The following NAV3 variants were observed in gnomAD, a reference collection of about 807,000 sequenced individuals.
NAV3 encodes the protein neuron navigator 3, also known as pore membrane and/or filament interacting like protein 1.
A neutral mutation model predicts 244.7 loss-of-function variants in NAV3; 87 were observed. The ratio of observed to expected loss-of-function variants is 0.36; its 90% CI spans 0.30 to 0.42. The LOEUF (loss-of-function observed/expected upper bound fraction) is 0.42, where lower values mean the gene tolerates loss of function less well. Ranked by LOEUF, NAV3 falls within the 20% of genes least tolerant of loss-of-function variation. The pLI is 1.00. For missense variants in NAV3, 2,663 were observed against 2,893.3 expected (o/e 0.92, Z 1.83); for synonymous variants, 1,126 against 1,042.2 (o/e 1.08, Z -1.55).
intron 36 of NAV3, among the ~76,000 whole-genome samples, chr12:78,198,918 CAA>C (rs71088371): frequency 1.0e-5 from 1 of 99,500 alleles, no homozygotes; most frequent in Admixed American, 1.0e-4. Context: ...TAAACAAAAA[CAA>C]AAAAAAAAAA....
At chr12:77,677,958 T>C (rs1211647919) in intron 2 of NAV3, among the ~76,000 whole-genome samples, 1 of 152,200 alleles carries the variant, frequency 6.6e-6, no homozygotes, top group Non-Finnish European at 1.5e-5. Context: ...TTTATTAAAA[T>C]TGAAATAATT....
chr12:77,694,805 A>G (rs909394418), intron 2 of NAV3, among the ~76,000 whole-genome samples: 1 of 152,180 alleles, frequency 6.6e-6, no homozygotes, highest in Non-Finnish European at 1.5e-5. Flanking sequence ...AGGCAAATCT[A>G]CCTTTCTAGG....
At chr12:77,723,167 G>A (rs532086196) in intron 2 of NAV3, among the ~76,000 whole-genome samples, 46 of 152,116 alleles carry the variant, frequency 3.0e-4, no homozygotes, top group Non-Finnish European at 6.2e-4. Flanking sequence ...TCTCCATGTA[G>A]AAGTGACAAT....
chr12:77,912,582 T>G (rs1234223526), intron 1 of NAV3, among the ~76,000 whole-genome samples: 2 of 152,120 alleles, frequency 1.3e-5, no homozygotes, highest in Non-Finnish European at 2.9e-5. Flanking sequence ...AACATACTAT[T>G]ATTACAGTAG....
chr12:78,079,941 T>C (rs1164654881), intron 12 of NAV3, among the ~76,000 whole-genome samples: 1 of 152,222 alleles, frequency 6.6e-6, no homozygotes, highest in Non-Finnish European at 1.5e-5. Context: ...ATCGAAGATA[T>C]TGTATCCTGC....
chr12:77,948,431 T>C (rs1890564582), intron 3 of NAV3, among the ~76,000 whole-genome samples: 1 of 152,096 alleles, frequency 6.6e-6, no homozygotes, highest in African/African-American at 2.4e-5. Context: ...TTGCAAAATG[T>C]AGTTGATATT....
chr12:77,728,473 A>G (rs988971343), intron 2 of NAV3, among the ~76,000 whole-genome samples: 4 of 151,962 alleles, frequency 2.6e-5, no homozygotes, highest in Non-Finnish European at 5.9e-5. Flanking sequence ...GCACTGAGGA[A>G]GCTTTAGTTT....
chr12:77,954,434 A>G (rs896348918), intron 3 of NAV3, among the ~76,000 whole-genome samples: 1 of 152,218 alleles, frequency 6.6e-6, no homozygotes, highest in Non-Finnish European at 1.5e-5. Flanking sequence ...GACAGGTTTA[A>G]GTTTTAGTTC....
chr12:77,956,747 T>C (rs1441139424), intron 3 of NAV3, among the ~76,000 whole-genome samples: 1 of 151,664 alleles, frequency 6.6e-6, no homozygotes, highest in African/African-American at 2.4e-5. Context: ...TTTATTTATT[T>C]ATTTATTTAT....
Position 77,787,985 on chromosome 12 carries a change from T to C in NAV3, c.73-152334T>C, listed in dbSNP as rs112397094. ...ATTTGGAAACAAACAAAAAAGGTGA[T>C]TAAGAGACGGTGTAGTATAGTGGTA... On this transcript the variant is annotated intron_variant, in intron 2 of 8. Transcript: ENST00000550042. 4.4e-3 allele frequency among the ~76,000 whole-genome samples: 663 copies of C among 152,306 alleles called. 4 individuals are homozygous for C. Among genetic ancestry groups the C allele is most frequent in the African/African-American group, 0.015 (632 of 41,570 alleles).
intron 1 of NAV3, among the ~76,000 whole-genome samples, chr12:77,899,783 G>A (rs578230257): frequency 5.9e-5 from 9 of 152,254 alleles, no homozygotes; most frequent in East Asian, 1.9e-4. Context: ...AAAATAAAGC[G>A]TTAATTCACT....
chr12:77,578,024 G>A (rs1486902423), intron 2 of NAV3, among the ~76,000 whole-genome samples: 1 of 152,128 alleles, frequency 6.6e-6, no homozygotes, highest in Non-Finnish European at 1.5e-5. Flanking sequence ...TCTAGTTCAG[G>A]AATATGCAAT....
intron 2 of NAV3, among the ~76,000 whole-genome samples, chr12:77,673,214 T>C (rs1448701381): frequency 1.3e-5 from 2 of 152,282 alleles, no homozygotes; most frequent in Non-Finnish European, 2.9e-5. Flanking sequence ...CAAAACTCCA[T>C]TAACAATGAA....
intron 2 of NAV3, among the ~76,000 whole-genome samples, chr12:77,804,274 C>A (rs551571734): frequency 9.9e-5 from 15 of 151,862 alleles, no homozygotes; most frequent in Non-Finnish European, 1.9e-4. Flanking sequence ...GGGTTTTTAT[C>A]GTTTTAGGTC....
intron 2 of NAV3, among the ~76,000 whole-genome samples, chr12:77,572,821 A>G (rs1334259002): frequency 2.6e-5 from 4 of 152,248 alleles, no homozygotes; most frequent in Admixed American, 2.6e-4. Context: ...GAACTGTGCT[A>G]ACTTTATTTT....
intron 2 of NAV3, among the ~76,000 whole-genome samples, chr12:77,803,495 T>C (rs1871821595): frequency 6.6e-6 from 1 of 152,184 alleles, no homozygotes; most frequent in Non-Finnish European, 1.5e-5. Context: ...CCATGGTGTA[T>C]ATGGGCCACA....
chr12:77,959,912 CAAAAAAAAAAA>C (rs57550714), intron 3 of NAV3, among the ~76,000 whole-genome samples: 21 of 64,692 alleles, frequency 3.2e-4, no homozygotes, highest in African/African-American at 7.5e-4. Flanking sequence ...CCTGACCCGA[CAAAAAAAAAAA>C]AAAAAAAAAA....
At chr12:77,729,382 G>A (rs1219430100) in intron 2 of NAV3, among the ~76,000 whole-genome samples, 1 of 151,964 alleles carries the variant, frequency 6.6e-6, no homozygotes, top group African/African-American at 2.4e-5. Context: ...GAAGAGTGAA[G>A]GGAAATCTAC....
intron 7 of NAV3, among the ~76,000 whole-genome samples, chr12:77,999,915 G>A (rs1872955867): frequency 1.3e-5 from 2 of 152,078 alleles, no homozygotes; most frequent in Non-Finnish European, 2.9e-5. Flanking sequence ...ATAAAGATGT[G>A]TTAAATAGAC....
Sources: gnomAD v4.1 joint callset for allele counts (sites outside exome capture counted in the v4.1 genomes callset) on GRCh38, gnomAD v4.1.1 for gene constraint, MANE v1.5 for transcripts, NCBI Gene and HGNC (gene_info 2026-07-23, HGNC 2026-07-21) for gene names.